The following TMEM184B variants were observed in gnomAD, a reference collection of about 807,000 sequenced individuals.
TMEM184B encodes the protein putative MAPK-activating protein FM08.
Under a neutral mutation model 41.8 loss-of-function variants are expected in TMEM184B, and 17 were observed. The observed-to-expected ratio is 0.41, with a 90% CI of 0.28 to 0.61. The LOEUF (loss-of-function observed/expected upper bound fraction) is 0.61. TMEM184B is among the 20% of genes least tolerant of loss of function. TMEM184B has a pLI of 0.34. For synonymous variants in TMEM184B, 240 were observed against 229.5 expected, an observed-to-expected ratio of 1.05 and a Z score of -0.41; for missense variants, 393 against 557.8, an observed-to-expected ratio of 0.70 and a Z score of 2.98.
At chr22:38,241,993 C>T (rs2091920843) in intron 3 of TMEM184B, among the ~76,000 whole-genome samples, 2 of 78,310 alleles carry the variant, frequency 2.6e-5, no homozygotes, top group Non-Finnish European at 4.9e-5. Flanking sequence ...CAAACAACAA[C>T]AAAAACCAGT....
chr22:38,250,293 C>T (rs996901209), intron 1 of TMEM184B, among the ~76,000 whole-genome samples: 1 of 152,252 alleles, frequency 6.6e-6, no homozygotes, highest in Admixed American at 6.5e-5. Flanking sequence ...GCCACCATGT[C>T]GGCTCTTAGC....
At chr22:38,269,084 C>T (rs2092484073) in intron 1 of TMEM184B, among the ~76,000 whole-genome samples, 1 of 152,220 alleles carries the variant, frequency 6.6e-6, no homozygotes, top group African/African-American at 2.4e-5. Context: ...GGAATTAGAA[C>T]CTGGTAAGCA....
At chr22:38,241,134 A>T (rs2091897087) in intron 3 of TMEM184B, among the ~76,000 whole-genome samples, 1 of 152,148 alleles carries the variant, frequency 6.6e-6, no homozygotes, top group South Asian at 2.1e-4. Context: ...GAGCAGCGGG[A>T]GCCTGGAAAG....
At chr22:38,248,071 T>G in intron 1 of TMEM184B, 52 bp from the exon 2 acceptor site, 1 of 1,462,724 alleles carries the variant, frequency 6.8e-7, no homozygotes, top group Non-Finnish European at 9.0e-7. Flanking sequence ...AGTGGCAGCA[T>G]TGGAAAGAAT....
chr22:38,257,165 GA>G (rs917114763), intron 1 of TMEM184B, among the ~76,000 whole-genome samples: 17 of 144,528 alleles, frequency 1.2e-4, no homozygotes, highest in African/African-American at 3.6e-4. Flanking sequence ...ACTTTAAAAA[GA>G]AAAAAAAAAT....
rs2092064668 is a variant in TMEM184B at position 38,247,632 on chromosome 22, C to T, written c.192+138G>A. ...AAACAAACAAACAAGAAGTAGACTTCTATCGAGGGAAGCCTCTGAGAACAG... is the reference window on the plus strand; with the variant it reads ...AAACAAACAAACAAGAAGTAGACTTTTATCGAGGGAAGCCTCTGAGAACAG... On this transcript the variant is annotated intron_variant, in intron 2 of 8. Transcript: ENST00000361906. 5 of 1,125,532 alleles carry T rather than the reference C, an allele frequency of 4.4e-6. No homozygotes were observed. In the East Asian group the frequency reaches 1.3e-4, roughly 30 times the overall value. 69.7% of individuals were successfully genotyped at this position (1,125,532 alleles called of 1,614,324 possible).
At chr22:38,241,713 T>C (rs2091911122) in intron 3 of TMEM184B, among the ~76,000 whole-genome samples, 1 of 151,092 alleles carries the variant, frequency 6.6e-6, no homozygotes, top group Non-Finnish European at 1.5e-5. Flanking sequence ...TGAAACCCTA[T>C]CTCTACTAAA....
chr22:38,227,114 C>T (rs965961470), intron 5 of TMEM184B, among the ~76,000 whole-genome samples: 2 of 146,806 alleles, frequency 1.4e-5, no homozygotes, highest in Admixed American at 1.4e-4. Flanking sequence ...CTGCTGTCTG[C>T]GCGGGGCGGG....
intron 3 of TMEM184B, among the ~76,000 whole-genome samples, chr22:38,244,658 G>A (rs1204100907): frequency 6.6e-6 from 1 of 152,182 alleles, no homozygotes; most frequent in Non-Finnish European, 1.5e-5. Flanking sequence ...GTTTCTCCAT[G>A]TTGGTCAGGC....
chr22:38,231,487 G>A (rs751879376), intron 3 of TMEM184B, 153 bp from the exon 4 acceptor site: 9 of 740,122 alleles, frequency 1.2e-5, no homozygotes, highest in South Asian at 5.8e-5. Flanking sequence ...AAAGGAGCCC[G>A]TCAAGAACAC....
intron 1 of TMEM184B, among the ~76,000 whole-genome samples, chr22:38,262,554 C>T (rs2092387144): frequency 1.3e-5 from 2 of 152,174 alleles, no homozygotes; most frequent in East Asian, 3.8e-4. Flanking sequence ...GCCTGGGATG[C>T]CCAGTGCTGA....
Position 38,225,110 on chromosome 22 carries a change from G to T in TMEM184B, c.788-131C>A. The T allele has an allele frequency of 1.8e-6, 2 of 1,114,904 alleles. No homozygotes were observed. Among genetic ancestry groups the T allele is most frequent in the Non-Finnish European group, 1.2e-6 (1 of 810,716 alleles). 69.1% of individuals were successfully genotyped at this position (1,114,904 alleles called of 1,614,324 possible). A position where few individuals can be genotyped will look rare whatever the true frequency, so the allele number is the denominator to read the frequency against. On this transcript the variant is annotated intron_variant, in intron 7 of 8. Transcript: ENST00000361906. This position sits in a 1 kb window ranked among gnomAD's most constrained non-coding sequence, Gnocchi z 4.4. ...AGCAGGGCCACAGCTGCTCCTGCAGGGCAGGGGTAGCGACACAAGGCCACA... is the reference window on the plus strand; with the variant it reads ...AGCAGGGCCACAGCTGCTCCTGCAGTGCAGGGGTAGCGACACAAGGCCACA...
intron 5 of TMEM184B, 118 bp downstream of exon 5, chr22:38,230,551 G>T: frequency 1.0e-6 from 1 of 995,930 alleles, no homozygotes; most frequent in Non-Finnish European, 1.5e-6. Context: ...GGTGCTGGGG[G>T]CCTGGGGTGC....
Position 38,219,578 on chromosome 22 carries a change from A to G in TMEM184B, c.*1891T>C. ...TATGCATCCTAAGGAGGAGGAGGGGATGGAGCGGTCGGGCACATGTTCCCG... is the reference window on the plus strand; with the variant it reads ...TATGCATCCTAAGGAGGAGGAGGGGGTGGAGCGGTCGGGCACATGTTCCCG... On this transcript the variant is annotated 3_prime_UTR_variant, in exon 9 of 9. Transcript: ENST00000361906. The G allele has an allele frequency of 2.0e-6, 2 of 984,950 alleles. No individual in the cohort carries two copies. The highest frequency in any genetic ancestry group is 2.4e-6 in the Non-Finnish European group (2 of 829,830). 61.0% of individuals were successfully genotyped at this position (984,950 alleles called of 1,614,324 possible). A position where few individuals can be genotyped will look rare whatever the true frequency, so the allele number is the denominator to read the frequency against.
At chr22:38,270,224 G>C (rs1251350711) in intron 1 of TMEM184B, among the ~76,000 whole-genome samples, 1 of 152,114 alleles carries the variant, frequency 6.6e-6, no homozygotes, top group Non-Finnish European at 1.5e-5. Flanking sequence ...CGTCCTTCAG[G>C]GCCAAGACGA....
In TMEM184B at chr22:38,219,478, T is replaced by A; in HGVS notation, c.*1991A>T. 1.0e-6 allele frequency: 1 copy of A among 985,548 alleles called. No homozygotes were observed. The highest frequency in any genetic ancestry group is 1.7e-5 in the African/African-American group (1 of 57,244). The allele number at this position is 985,548 out of a possible 1,614,324, so 61.1% of individuals were successfully genotyped here. A position where few individuals can be genotyped will look rare whatever the true frequency, so the allele number is the denominator to read the frequency against. ...TCTTCTCATACATCATACAATTAAT[T>A]TTTCAAGTATTCTTTATGTACAAAG... On this transcript the variant is annotated 3_prime_UTR_variant, in exon 9 of 9. Transcript: ENST00000361906.
At chr22:38,221,912 A>G (rs369135009) in intron 8 of TMEM184B, 40 of 740,220 alleles carry the variant, frequency 5.4e-5, no homozygotes, top group African/African-American at 1.8e-4. Context: ...GGGAGCCCCA[A>G]GGGGAGGCTG....
At chr22:38,244,074 C>T (rs1455474934) in intron 3 of TMEM184B, among the ~76,000 whole-genome samples, 2 of 152,140 alleles carry the variant, frequency 1.3e-5, no homozygotes, top group African/African-American at 4.8e-5. Flanking sequence ...CCTGATGTGG[C>T]CGCAGTTGGG....
rs140513108 is a variant in TMEM184B at position 38,246,019 on chromosome 22, C to T, written c.274G>A (p.Ala92Thr). Residue 92 changes from alanine to threonine, a missense_variant, in exon 3 of 9, where the codon GCC (alanine) becomes ACC (threonine). By Grantham distance (58) the Ala-to-Thr change is moderately conservative. Around this residue, in one of 2 missense-constraint regions of TMEM184B, gnomAD observed 271 missense variants for 434.1 expected, o/e 0.62. Coordinates refer to ENST00000361906, the MANE Select transcript of TMEM184B (RefSeq NM_012264.5). The part of the protein sequence containing the change: ...VRILFIVPIY[A>T]FDSWLSLLFF... ...AGGAGGCTGAGCCAGGAGTCAAAGG[C>T]GTAGATGGGCACGATGAAGAGGATG... 1.5e-5 allele frequency: 25 copies of T among 1,613,660 alleles called. No homozygotes were observed. Among genetic ancestry groups the T allele is most frequent in the African/African-American group, 9.3e-5 (7 of 75,040 alleles).
Sources: allele counts gnomAD v4.1 joint callset (sites outside exome capture counted in the v4.1 genomes callset), GRCh38; gene constraint gnomAD v4.1.1; regional missense constraint gnomAD v4.1.1; non-coding constraint Gnocchi (gnomAD v3.1); transcripts MANE v1.5; gene names NCBI Gene and HGNC (gene_info 2026-07-23, HGNC 2026-07-21).